ACYP2: variants seen among roughly 807,000 people sequenced by gnomAD.
ACYP2 encodes acylphosphatase-2.
Under a neutral mutation model 11.2 loss-of-function variants are expected in ACYP2, and 12 were observed. That is an observed-to-expected ratio of 1.08 (90% CI 0.69 to 1.74). The LOEUF is 1.74. Ranked by LOEUF, ACYP2 falls within the 40% of genes most tolerant of loss-of-function variation. ACYP2 has a pLI of 0.00. For synonymous variants in ACYP2, 43 were observed against 32.2 expected, an observed-to-expected ratio of 1.33 and a Z score of -1.13; for missense variants, 134 against 101.9, an observed-to-expected ratio of 1.31 and a Z score of -1.35.
intron 4 of ACYP2, chr2:54,065,986 G>C (rs560390536): frequency 6.1e-4 from 93 of 152,702 alleles, no homozygotes; most frequent in South Asian, 2.3e-3. Flanking sequence ...ATTTTTATTT[G>C]TTGTGCACTT....
chr2:54,222,919 C>G (rs988107959), intron 6 of ACYP2: 8 of 152,190 alleles, frequency 5.3e-5, no homozygotes, highest in Non-Finnish European at 1.2e-4. Context: ...GAGATCTCCA[C>G]CATTCTTTCC....
chr2:54,122,540 T>C (rs893058202), intron 4 of ACYP2, among the ~76,000 whole-genome samples: 1 of 152,228 alleles, frequency 6.6e-6, no homozygotes, highest in Admixed American at 6.5e-5. Context: ...CGAAAGCCCA[T>C]AGATAAATCT....
intron 6 of ACYP2, among the ~76,000 whole-genome samples, chr2:54,300,066 G>A (rs1689664505): frequency 6.6e-6 from 1 of 152,124 alleles, no homozygotes; most frequent in African/African-American, 2.4e-5. Flanking sequence ...GCTATCTCAT[G>A]TGAATGCCTC....
At chr2:54,056,804 A>T (rs1455438288) in intron 3 of ACYP2, among the ~76,000 whole-genome samples, 1 of 152,170 alleles carries the variant, frequency 6.6e-6, no homozygotes, top group Non-Finnish European at 1.5e-5. Context: ...TTACCTGTTG[A>T]TTCCTATATT....
chr2:54,071,505 G>A (rs908284475), intron 4 of ACYP2, among the ~76,000 whole-genome samples: 7 of 151,138 alleles, frequency 4.6e-5, no homozygotes, highest in Non-Finnish European at 8.8e-5. Flanking sequence ...TCGCTCTGTC[G>A]CACAGGTGAG....
At chr2:54,195,815 T>TTTTTTTTTTTTGG (rs10669711) in intron 6 of ACYP2, among the ~76,000 whole-genome samples, 1 of 146,046 alleles carries the variant, frequency 6.8e-6, no homozygotes, top group Non-Finnish European at 1.5e-5. Context: ...TTTTTTTTTT[T>TTTTTTTTTTTTGG]GAGACAGAGT....
chr2:54,117,173 A>T (rs1255597746), intron 4 of ACYP2, among the ~76,000 whole-genome samples: 2 of 152,212 alleles, frequency 1.3e-5, no homozygotes, highest in African/African-American at 4.8e-5. Context: ...CAAGTATTAA[A>T]TTTTTTGTCT....
At chr2:54,277,235 G>C (rs1204228744) in intron 6 of ACYP2, among the ~76,000 whole-genome samples, 3 of 152,124 alleles carry the variant, frequency 2.0e-5, no homozygotes, top group Admixed American at 2.0e-4. Context: ...AATTCAGAAG[G>C]ACCAATGGGA....
At chr2:53,996,146 A>G (rs1672564079) in intron 2 of ACYP2, among the ~76,000 whole-genome samples, 1 of 152,170 alleles carries the variant, frequency 6.6e-6, no homozygotes, top group Non-Finnish European at 1.5e-5. Context: ...ACCACCCAAA[A>G]AAAAAAAGAC....
intron 3 of ACYP2, among the ~76,000 whole-genome samples, chr2:54,055,225 T>G (rs556228156): frequency 6.6e-6 from 1 of 152,076 alleles, no homozygotes; most frequent in East Asian, 1.9e-4. Flanking sequence ...TTAGTAGAGA[T>G]GGGGTTTCAC....
chr2:54,023,618 G>A (rs1674116760), intron 2 of ACYP2, among the ~76,000 whole-genome samples: 1 of 152,166 alleles, frequency 6.6e-6, no homozygotes, highest in South Asian at 2.1e-4. Context: ...TAAAGGTGTT[G>A]AGTATCCTTT....
chr2:54,163,478 C>T (rs934381535), intron 6 of ACYP2, among the ~76,000 whole-genome samples: 1 of 152,210 alleles, frequency 6.6e-6, no homozygotes, highest in African/African-American at 2.4e-5. Flanking sequence ...TCATTCATAG[C>T]ATTATGAAGT....
At chr2:54,223,276 G>A (rs1402153007) in intron 6 of ACYP2, among the ~76,000 whole-genome samples, 1 of 152,114 alleles carries the variant, frequency 6.6e-6, no homozygotes, top group Non-Finnish European at 1.5e-5. Context: ...GGTGAGAACC[G>A]AAAGCATCTA....
At chr2:54,125,585 A>G (rs574399570) in intron 4 of ACYP2, among the ~76,000 whole-genome samples, 1 of 151,886 alleles carries the variant, frequency 6.6e-6, no homozygotes, top group East Asian at 1.9e-4. Flanking sequence ...CCCTGTCTCT[A>G]CTAAAAATAC....
Position 54,072,174 on chromosome 2 carries a change from A to C in ACYP2, c.277+14814A>C, listed in dbSNP as rs528153388. Among the ~76,000 whole-genome samples the C allele has an allele frequency of 7.2e-5, 11 of 152,382 alleles. No homozygotes were observed. The East Asian group carries it at 1.5e-3, about 21-fold the overall frequency. On this transcript the variant is annotated intron_variant, in intron 4 of 6. Transcript: ENST00000607452. Reference sequence around the variant, plus strand: ...ATCAAATATTGTTGAAAGAAATTAAAGAAGATCTAAATAAATGGAAAGACA... The same window carrying C: ...ATCAAATATTGTTGAAAGAAATTAACGAAGATCTAAATAAATGGAAAGACA...
intron 6 of ACYP2, chr2:54,256,004 G>A: frequency 6.2e-7 from 1 of 1,614,154 alleles, no homozygotes; most frequent in Non-Finnish European, 8.5e-7. Flanking sequence ...CGGGGCGGTG[G>A]GAACACGATT....
chr2:54,262,621 A>G (rs1056793612), intron 6 of ACYP2, among the ~76,000 whole-genome samples: 1 of 152,090 alleles, frequency 6.6e-6, no homozygotes, highest in Non-Finnish European at 1.5e-5. Context: ...AAAAGCTTCC[A>G]GTTTCTACAC....
At chr2:54,209,338 C>T (rs73938012) in intron 6 of ACYP2, among the ~76,000 whole-genome samples, 1,545 of 151,922 alleles carry the variant, frequency 0.01, 32 homozygotes, top group African/African-American at 0.035. Flanking sequence ...GTTTTATTTT[C>T]TCTGGAAAAT....
intron 6 of ACYP2, among the ~76,000 whole-genome samples, chr2:54,250,494 G>A (rs1393292887): frequency 1.3e-5 from 2 of 151,980 alleles, no homozygotes; most frequent in African/African-American, 4.8e-5. Context: ...GGCGTTGAAA[G>A]TATCTTCTAT....
Sources: allele counts gnomAD v4.1 joint callset (sites outside exome capture counted in the v4.1 genomes callset), GRCh38; gene constraint gnomAD v4.1.1; transcripts MANE v1.5; gene names NCBI Gene and HGNC (gene_info 2026-07-23, HGNC 2026-07-21).